The following MACROD2 variants were observed in gnomAD, a reference collection of about 807,000 sequenced individuals.
MACROD2 encodes ADP-ribose glycohydrolase MACROD2.
MACROD2 carries 36 observed loss-of-function variants against 70.4 expected under a neutral mutation model. The ratio of observed to expected loss-of-function variants is 0.51; its 90% CI spans 0.39 to 0.68. The LOEUF is 0.68. MACROD2 is among the 30% of genes least tolerant of loss of function. The pLI is 0.00. For synonymous variants in MACROD2, 172 were observed against 178.8 expected (o/e 0.96, Z 0.30); for missense variants, 496 against 538.4 (o/e 0.92, Z 0.78).
intron 4 of MACROD2, among the ~76,000 whole-genome samples, chr20:14,576,354 C>T (rs1182932196): frequency 6.6e-6 from 1 of 152,166 alleles, no homozygotes; most frequent in African/African-American, 2.4e-5. Context: ...CAAAGCCCTG[C>T]TGCCACCTGA....
intron 5 of MACROD2, among the ~76,000 whole-genome samples, chr20:15,167,646 C>A (rs1198903805): frequency 6.6e-6 from 1 of 152,120 alleles, no homozygotes; most frequent in African/African-American, 2.4e-5. Flanking sequence ...TCAGAGCAGA[C>A]CCTTTAGGCA....
chr20:15,438,191 TAA>T (rs1366297644), intron 7 of MACROD2, among the ~76,000 whole-genome samples: 1 of 152,026 alleles, frequency 6.6e-6, no homozygotes, highest in East Asian at 1.9e-4. Flanking sequence ...TCTGGGTATA[TAA>T]CTAGTAATAG....
At position 14,258,171 on chromosome 20, in the gene MACROD2, T is replaced by A. The variant is rs2082073041; in HGVS notation, c.271+172443T>A. 2.6e-5 allele frequency among the ~76,000 whole-genome samples: 4 copies of A among 152,200 alleles called. No homozygotes were observed. In the South Asian group the frequency reaches 8.3e-4, roughly 31 times the overall value. ...TTGGGTTGGTTCCATATTTTTACAA[T>A]TGTGAATTGTGCTGCTATAAACATG... On this transcript the variant is annotated intron_variant, in intron 3 of 17. Transcript: ENST00000684519.
chr20:14,468,001 G>C (rs2084477784), intron 3 of MACROD2, among the ~76,000 whole-genome samples: 1 of 151,946 alleles, frequency 6.6e-6, no homozygotes, highest in Admixed American at 6.6e-5. Flanking sequence ...CTGTTCTTTT[G>C]CATTTACTGA....
chr20:14,281,088 C>G (rs1010880652), intron 3 of MACROD2, among the ~76,000 whole-genome samples: 3 of 151,960 alleles, frequency 2.0e-5, no homozygotes, highest in African/African-American at 7.3e-5. Context: ...AGTCTTTACC[C>G]AAGAAAATCA....
At chr20:15,598,304 C>T (rs1322308526) in intron 8 of MACROD2, among the ~76,000 whole-genome samples, 1 of 152,096 alleles carries the variant, frequency 6.6e-6, no homozygotes, top group Middle Eastern at 3.2e-3. Context: ...CTAAGCATGA[C>T]CAGTAAAGTC....
At chr20:14,963,725 A>G (rs1311230081) in intron 5 of MACROD2, among the ~76,000 whole-genome samples, 1 of 152,190 alleles carries the variant, frequency 6.6e-6, no homozygotes, top group Non-Finnish European at 1.5e-5. Flanking sequence ...TAGCTTTTCG[A>G]AATTCTTGGA....
At chr20:15,355,323 A>T (rs1460145131) in intron 6 of MACROD2, among the ~76,000 whole-genome samples, 1 of 152,210 alleles carries the variant, frequency 6.6e-6, no homozygotes, top group Admixed American at 6.5e-5. Context: ...AGATCAACTC[A>T]GATAATTGCT....
At chr20:14,794,795 C>A (rs772446318) in intron 5 of MACROD2, among the ~76,000 whole-genome samples, 18 of 152,036 alleles carry the variant, frequency 1.2e-4, no homozygotes, top group Non-Finnish European at 2.4e-4. Context: ...AAGGTCTCAG[C>A]ATGCAGGGAG....
intron 10 of MACROD2, among the ~76,000 whole-genome samples, chr20:15,889,041 G>T (rs1274536916): frequency 6.6e-6 from 1 of 152,150 alleles, no homozygotes; most frequent in Non-Finnish European, 1.5e-5. Flanking sequence ...GAATCAACTG[G>T]CCAAGACATG....
intron 2 of MACROD2, chr20:14,053,152 G>C (rs1300730190): frequency 6.9e-6 from 1 of 145,448 alleles, no homozygotes; most frequent in Non-Finnish European, 1.5e-5. Context: ...AGTCCATTTT[G>C]AATCAAGAAA....
chr20:16,015,150 TG>T (rs980352613), intron 15 of MACROD2, among the ~76,000 whole-genome samples: 3 of 152,360 alleles, frequency 2.0e-5, no homozygotes, highest in Admixed American at 2.0e-4. Flanking sequence ...CCTGGTCATT[TG>T]TTTTTAATTT....
In MACROD2 at chr20:14,685,432, A is replaced by G. The variant is rs564095684; in HGVS notation, c.418+473A>G. 4.9e-4 allele frequency among the ~76,000 whole-genome samples: 75 copies of G among 152,312 alleles called. No homozygotes were observed. In the Middle Eastern group the frequency reaches 0.01, roughly 21 times the overall value. On this transcript the variant is annotated intron_variant, in intron 5 of 17. Coordinates refer to ENST00000684519, the MANE Select transcript of MACROD2 (RefSeq NM_001351661.2). ...GCTGATTGGCAATTACAGCCAAGGC[A>G]TCTGTCACACTTTGCTTTCAGGAAA...
At chr20:14,085,959 A>T (rs997450803) in intron 3 of MACROD2, among the ~76,000 whole-genome samples, 1 of 152,200 alleles carries the variant, frequency 6.6e-6, no homozygotes, top group African/African-American at 2.4e-5. Context: ...AGATTAGGAT[A>T]CTGCACCACT....
In MACROD2 at chr20:14,062,322, G is replaced by A. The variant is rs544515221; in HGVS notation, c.164-23299G>A. Among the ~76,000 whole-genome samples, 12 of 152,182 alleles carry A rather than the reference G, an allele frequency of 7.9e-5. No homozygotes were observed. In the East Asian group the frequency reaches 9.7e-4, roughly 12 times the overall value. On this transcript the variant is annotated intron_variant, in intron 2 of 17. Coordinates refer to ENST00000684519, the MANE Select transcript of MACROD2 (RefSeq NM_001351661.2). ...TAGGAATCTTGAAGGACTCAAATACGCAAAACACATGGATCTAGCCTAGAA... is the reference window on the plus strand; with the variant it reads ...TAGGAATCTTGAAGGACTCAAATACACAAAACACATGGATCTAGCCTAGAA...
chr20:15,093,154 T>TC (rs1276194583), intron 5 of MACROD2, among the ~76,000 whole-genome samples: 16 of 152,274 alleles, frequency 1.1e-4, no homozygotes, highest in African/African-American at 2.9e-4. Flanking sequence ...TATGATAATC[T>TC]CCCCAAATTA....
intron 8 of MACROD2, among the ~76,000 whole-genome samples, chr20:15,606,350 C>G (rs962534087): frequency 6.6e-6 from 1 of 152,174 alleles, no homozygotes; most frequent in Non-Finnish European, 1.5e-5. Flanking sequence ...TTTTTCCTGC[C>G]TCTACTCCTG....
At chr20:15,945,480 C>A (rs781745392) in intron 12 of MACROD2, among the ~76,000 whole-genome samples, 1 of 152,168 alleles carries the variant, frequency 6.6e-6, no homozygotes, top group Non-Finnish European at 1.5e-5. Flanking sequence ...CAATAGACAT[C>A]TTTGCACACA....
intron 3 of MACROD2, among the ~76,000 whole-genome samples, chr20:14,221,915 ACCAC>A (rs2081678456): frequency 6.6e-6 from 1 of 152,236 alleles, no homozygotes; most frequent in Non-Finnish European, 1.5e-5. Flanking sequence ...GCAAATTAAA[ACCAC>A]AATGAGATAT....
Sources: allele counts gnomAD v4.1 joint callset (sites outside exome capture counted in the v4.1 genomes callset), GRCh38; gene constraint gnomAD v4.1.1; transcripts MANE v1.5; gene names NCBI Gene and HGNC (gene_info 2026-07-23, HGNC 2026-07-21).